The following DCAF1 variants were observed in gnomAD, a reference collection of about 807,000 sequenced individuals.
The protein encoded by DCAF1 is DDB1 and CUL4 associated factor 1.
DCAF1 carries 15 observed loss-of-function variants against 128.0 expected under a neutral mutation model. That is an observed-to-expected ratio of 0.12 (90% confidence interval 0.08 to 0.18). DCAF1 has a LOEUF of 0.18. Ranked by LOEUF, DCAF1 falls within the 10% of genes least tolerant of loss-of-function variation. The pLI is 1.00. For missense variants in DCAF1, 988 were observed against 1,649.5 expected (o/e 0.60, Z 6.95); for synonymous variants, 610 against 603.0 (o/e 1.01, Z -0.17).
intron 4 of DCAF1, among the ~76,000 whole-genome samples, chr3:51,468,211 G>A (rs782029588): frequency 2.8e-4 from 42 of 152,124 alleles, no homozygotes; most frequent in African/African-American, 9.4e-4. Flanking sequence ...TTGTTCTGTC[G>A]CCAAGGCTGG....
chr3:51,441,243 C>A, intron 8 of DCAF1, 142 bp downstream of exon 8: 1 of 1,233,346 alleles, frequency 8.1e-7, no homozygotes, highest in South Asian at 1.6e-5. Flanking sequence ...GAATGACCTG[C>A]ATAAGACTTG....
chr3:51,446,513 T>C (rs373202698), intron 6 of DCAF1, among the ~76,000 whole-genome samples: 27 of 152,068 alleles, frequency 1.8e-4, no homozygotes, highest in African/African-American at 6.0e-4. Context: ...CTCCTATAGT[T>C]CACGCTACTT....
At chr3:51,396,074 G>A (rs1268653219), downstream of DCAF1, 3 of 411,444 alleles carry the variant, frequency 7.3e-6, no homozygotes, top group East Asian at 3.6e-5. Flanking sequence ...ACAAACGCCT[G>A]AGTCACAGGC....
Position 51,420,180 on chromosome 3 carries a change from A to G in DCAF1, c.2790T>C (p.His930=). Residue 930 remains histidine, a synonymous_variant, in exon 15 of 25, where the codon CAT becomes CAC. Coordinates refer to ENST00000684031, the MANE Select transcript of DCAF1 (RefSeq NM_001387579.1). The surrounding 1 kb of genome is among the most constrained non-coding windows in gnomAD (Gnocchi z 6.5). ...GACCCTGGGGGGGCCGTGGCTGAGG[A>G]TGAGCAGTAGGGGCAGAAGGCGCAG... ...GASAPSAPTA[H]PQPRPPQGPL... 1 of 1,613,960 alleles carries G rather than the reference A, an allele frequency of 6.2e-7. No homozygotes were observed. The highest frequency in any genetic ancestry group is 8.5e-7 in the Non-Finnish European group (1 of 1,179,870).
At chr3:51,422,675 G>C (rs1057421346) in intron 13 of DCAF1, among the ~76,000 whole-genome samples, 3 of 152,096 alleles carry the variant, frequency 2.0e-5, no homozygotes, top group Non-Finnish European at 4.4e-5. Flanking sequence ...AAAAAACATA[G>C]AATAATCCTG....
Position 51,429,369 on chromosome 3 carries a change from G to C in DCAF1, c.1569C>G (p.Ala523=). The C allele has an allele frequency of 1.3e-6, 1 of 780,854 alleles. No individual in the cohort carries two copies. Among genetic ancestry groups the C allele is most frequent in the East Asian group, 2.4e-5 (1 of 41,256 alleles). The allele number at this position is 780,854 out of a possible 1,614,324, so 48.4% of individuals were successfully genotyped here. A position where few individuals can be genotyped will look rare whatever the true frequency, so the allele number is the denominator to read the frequency against. ...GGTGAGCCTCAAAGTATTTGCGCAA[G>C]GCCATGCAGGTATGTTTCCCAGTTT... The part of the protein sequence containing the change: ...SRQTGKHTCM[A]LRKYFEAHLA... The change falls in exon 12 of 25, where the codon GCC becomes GCG. Residue 523 remains alanine (A), a synonymous_variant. Transcript: ENST00000684031.
chr3:51,407,171 AAAAAAAAAC>A (rs2090184889), intron 23 of DCAF1, among the ~76,000 whole-genome samples: 1 of 151,046 alleles, frequency 6.6e-6, no homozygotes, highest in Non-Finnish European at 1.5e-5. Context: ...AAAAAAAAAA[AAAAAAAAAC>A]AACAACAAAA....
chr3:51,405,799 C>T (rs1553626424), intron 23 of DCAF1, among the ~76,000 whole-genome samples: 1 of 152,142 alleles, frequency 6.6e-6, no homozygotes, highest in Admixed American at 6.5e-5. Flanking sequence ...GAACCCCTCT[C>T]CTTCAGATCT....
At chr3:51,500,742 G>A (rs1173331793), upstream of DCAF1, among the ~76,000 whole-genome samples, 1 of 151,534 alleles carries the variant, frequency 6.6e-6, no homozygotes, top group Non-Finnish European at 1.5e-5. Flanking sequence ...GTAGAGACAT[G>A]GTTTTGCCGT....
At chr3:51,413,141 A>G in intron 21 of DCAF1, 75 bp from the exon 22 acceptor site, 5 of 1,586,396 alleles carry the variant, frequency 3.2e-6, no homozygotes, top group Non-Finnish European at 4.3e-6. Context: ...CTCTAAAGGA[A>G]TTCAGGATGA....
chr3:51,429,670 C>A (rs1169156818), intron 11 of DCAF1, among the ~76,000 whole-genome samples, 200 bp from the exon 12 acceptor site: 1 of 151,958 alleles, frequency 6.6e-6, no homozygotes, highest in African/African-American at 2.4e-5. Flanking sequence ...ATATAGCATG[C>A]TAACAGTAGC....
chr3:51,421,013 A>AT lies in DCAF1; in HGVS notation c.1973-17dup. 2 of 1,592,536 alleles carry AT rather than the reference A, an allele frequency of 1.3e-6. No homozygotes were observed. The highest frequency in any genetic ancestry group is 8.6e-7 in the Non-Finnish European group (1 of 1,169,086). On this transcript the variant is annotated splice_polypyrimidine_tract_variant and intron_variant, in intron 14 of 24. Coordinates refer to ENST00000684031, the MANE Select transcript of DCAF1 (RefSeq NM_001387579.1). ...ATGCTGATACCTAATGGGAAAAAAAATTATGTATTATTCACCATAAAACTA... is the reference window on the plus strand; with the variant it reads ...ATGCTGATACCTAATGGGAAAAAAAATTTATGTATTATTCACCATAAAACTA...
chr3:51,492,677 G>A (rs1396401185), intron 2 of DCAF1, among the ~76,000 whole-genome samples: 4 of 152,258 alleles, frequency 2.6e-5, no homozygotes, highest in East Asian at 1.9e-4. Flanking sequence ...TGAAGAAACT[G>A]GAACACATAT....
chr3:51,457,078 G>C (rs1703000870), intron 6 of DCAF1, among the ~76,000 whole-genome samples: 1 of 152,200 alleles, frequency 6.6e-6, no homozygotes, highest in Non-Finnish European at 1.5e-5. Flanking sequence ...ACTTTGATGA[G>C]TTGAGAGAAG....
chr3:51,460,458 T>TG (rs1553644129), intron 6 of DCAF1, among the ~76,000 whole-genome samples: 1 of 152,132 alleles, frequency 6.6e-6, no homozygotes, highest in Non-Finnish European at 1.5e-5. Context: ...GTAGGAAGAA[T>TG]CAGTATCGTG....
Position 51,429,562 on chromosome 3 carries a change from C to T in DCAF1, c.1468-92G>A, listed in dbSNP as rs968357441. 37 of 693,206 alleles carry T rather than the reference C, an allele frequency of 5.3e-5. No individual in the cohort carries two copies. In the South Asian group the frequency reaches 5.7e-4, roughly 11 times the overall value. 42.9% of individuals were successfully genotyped at this position (693,206 alleles called of 1,614,324 possible). A position where few individuals can be genotyped will look rare whatever the true frequency, so the allele number is the denominator to read the frequency against. ...AAAAAAGGGAAAATATTTTAGTAAA[C>T]TTTTTTTACTTTCCATACATATTCT... On this transcript the variant is annotated intron_variant, in intron 11 of 24. Transcript: ENST00000684031.
chr3:51,467,487 C>T (rs962568580), intron 4 of DCAF1, among the ~76,000 whole-genome samples: 17 of 151,852 alleles, frequency 1.1e-4, no homozygotes, highest in South Asian at 4.2e-4. Context: ...CATCACACAC[C>T]GGGGACTGTT....
At chr3:51,499,590 C>T (rs932349209) in intron 1 of DCAF1, among the ~76,000 whole-genome samples, 23 of 151,830 alleles carry the variant, frequency 1.5e-4, no homozygotes, top group Admixed American at 3.9e-4. Context: ...ACACACCCCG[C>T]CCCCCCACTC....
At chr3:51,404,540 A>G (rs2089972777) in intron 23 of DCAF1, among the ~76,000 whole-genome samples, 1 of 152,244 alleles carries the variant, frequency 6.6e-6, no homozygotes, top group African/African-American at 2.4e-5. Context: ...AACATAAGCT[A>G]GGATCATTCA....
Sources: allele counts gnomAD v4.1 joint callset (sites outside exome capture counted in the v4.1 genomes callset), GRCh38; gene constraint gnomAD v4.1.1; non-coding constraint Gnocchi (gnomAD v3.1); transcripts MANE v1.5; gene names NCBI Gene and HGNC (gene_info 2026-07-23, HGNC 2026-07-21).